Variants in SNRK observed in about 807,000 individuals in gnomAD.
SNRK encodes SNF-related serine/threonine-protein kinase.
Under a neutral mutation model 48.2 loss-of-function variants are expected in SNRK, and 3 were observed. That is an observed-to-expected ratio of 0.06 (90% CI 0.03 to 0.16). The LOEUF (loss-of-function observed/expected upper bound fraction) is 0.16, where lower values mean the gene tolerates loss of function less well. Among genes scored for constraint, SNRK ranks in the 10% least tolerant of loss-of-function variants. The probability of loss-of-function intolerance (pLI) is 1.00; values close to 1 mark genes in which losing one functional copy is unlikely to be tolerated. For missense variants in SNRK, 627 were observed against 976.0 expected (o/e 0.64, Z 4.76); for synonymous variants, 376 against 366.1 (o/e 1.03, Z -0.31).
In SNRK at chr3:43,347,375, C is replaced by A; in HGVS notation, c.1116C>A (p.Asp372Glu). 1 of 1,600,714 alleles carries A rather than the reference C, an allele frequency of 6.2e-7. No individual in the cohort carries two copies. The highest frequency in any genetic ancestry group is 8.5e-7 in the Non-Finnish European group (1 of 1,173,320). Residue 372 changes from aspartate (D) to glutamate (E), a missense_variant, in exon 7 of 7, where the codon GAC becomes GAA. Coordinates refer to ENST00000296088, the MANE Select transcript of SNRK (RefSeq NM_017719.5). The surrounding 1 kb of genome is among the most constrained non-coding windows in gnomAD (Gnocchi z 5.4). Reference sequence around the variant, plus strand: ...CAACCAAAATTGATGTACCCCAGGACCTTGAGGATGACCTCACGGCCACTC... The same window carrying A: ...CAACCAAAATTGATGTACCCCAGGAACTTGAGGATGACCTCACGGCCACTC... ...SWPTKIDVPQDLEDDLTATPL... is the reference protein window; with the variant it reads ...SWPTKIDVPQELEDDLTATPL...
intron 1 of SNRK, among the ~76,000 whole-genome samples, chr3:43,293,650 AC>A (rs1282549738): frequency 6.6e-6 from 1 of 152,092 alleles, no homozygotes; most frequent in Admixed American, 6.6e-5. Context: ...ATAGTGGCTC[AC>A]CCCTTGTAAT....
intron 4 of SNRK, chr3:43,332,514 C>T (rs188134053): frequency 2.7e-6 from 1 of 371,082 alleles, no homozygotes; most frequent in Admixed American, 4.6e-5. Flanking sequence ...TGAATATGAT[C>T]TGAAATTTAA....
chr3:43,308,766 C>T (rs940373028), intron 3 of SNRK, among the ~76,000 whole-genome samples: 9 of 152,176 alleles, frequency 5.9e-5, no homozygotes, highest in African/African-American at 1.7e-4. Flanking sequence ...TTCTGCAGCC[C>T]GTGGATCAAG....
chr3:43,299,433 C>T (rs2090882065), intron 1 of SNRK, among the ~76,000 whole-genome samples: 1 of 152,198 alleles, frequency 6.6e-6, no homozygotes, highest in African/African-American at 2.4e-5. Context: ...GTCTCGGCCT[C>T]CCAAAGTGCT....
At chr3:43,343,509 AG>A in intron 6 of SNRK, 31 bp downstream of exon 6, 1 of 1,595,596 alleles carries the variant, frequency 6.3e-7, no homozygotes, top group Non-Finnish European at 8.5e-7. Flanking sequence ...GATTTTAGTA[AG>A]TTTAACGTTT....
intron 1 of SNRK, among the ~76,000 whole-genome samples, chr3:43,296,415 C>CATATATATATATATACATAT (rs1553632569): frequency 4.7e-5 from 6 of 127,242 alleles, no homozygotes; most frequent in African/African-American, 2.0e-4. Context: ...GATATACTGG[C>CATATATATATATATACATAT]ATATATATAT....
intron 3 of SNRK, among the ~76,000 whole-genome samples, chr3:43,325,696 T>TA (rs1447973798): frequency 6.6e-6 from 1 of 152,172 alleles, no homozygotes; most frequent in Non-Finnish European, 1.5e-5. Flanking sequence ...ATAATAAGCC[T>TA]AAAAATTGCA....
intron 3 of SNRK, among the ~76,000 whole-genome samples, chr3:43,315,975 AAT>A (rs1292014574): frequency 6.6e-6 from 1 of 152,194 alleles, no homozygotes; most frequent in African/African-American, 2.4e-5. Flanking sequence ...ATAAGAAACA[AAT>A]ATTTCTGAAA....
chr3:43,339,950 T>TTATTCTGTATGTCATTGCTGTATG (rs2091222550), intron 4 of SNRK, among the ~76,000 whole-genome samples: 1 of 149,032 alleles, frequency 6.7e-6, no homozygotes, highest in South Asian at 2.1e-4. Context: ...CTTGTATACT[T>TTATTCTGTATGTCATTGCTGTATG]TATTCTGTAT....
chr3:43,347,162 C>A lies in SNRK; in HGVS notation c.1080-177C>A. The A allele has an allele frequency of 5.2e-6, 3 of 579,930 alleles. No homozygotes were observed. The highest frequency in any genetic ancestry group is 8.6e-6 in the Non-Finnish European group (3 of 349,138). The allele number at this position is 579,930 out of a possible 1,614,324, so 35.9% of individuals were successfully genotyped here. A position where few individuals can be genotyped will look rare whatever the true frequency, so the allele number is the denominator to read the frequency against. Reference sequence around the variant, plus strand: ...CAAACTGAACCATGTTTCAAAACCACATTTGCCCTTCTGGTGGCCTTGCTG... The same window carrying A: ...CAAACTGAACCATGTTTCAAAACCAAATTTGCCCTTCTGGTGGCCTTGCTG... On this transcript the variant is annotated intron_variant, in intron 6 of 6. Transcript: ENST00000296088. The surrounding 1 kb of genome is among the most constrained non-coding windows in gnomAD (Gnocchi z 5.4).
At chr3:43,320,581 C>T (rs1376176984) in intron 3 of SNRK, among the ~76,000 whole-genome samples, 1 of 152,082 alleles carries the variant, frequency 6.6e-6, no homozygotes, top group Non-Finnish European at 1.5e-5. Flanking sequence ...CTAATGAATA[C>T]ACTAGAACAC....
chr3:43,297,824 CTT>C (rs1207554524), intron 1 of SNRK, among the ~76,000 whole-genome samples: 1 of 152,236 alleles, frequency 6.6e-6, no homozygotes, highest in South Asian at 2.1e-4. Context: ...AACCCCCAGT[CTT>C]TGATGCCTAA....
chr3:43,297,564 A>T (rs572318409), intron 1 of SNRK, among the ~76,000 whole-genome samples: 3 of 147,836 alleles, frequency 2.0e-5, no homozygotes, highest in Admixed American at 6.7e-5. Context: ...AAAGGGTGGG[A>T]TAATGGATTT....
intron 3 of SNRK, among the ~76,000 whole-genome samples, chr3:43,306,203 G>A (rs933684026): frequency 3.9e-5 from 6 of 152,002 alleles, no homozygotes; most frequent in Admixed American, 2.6e-4. Flanking sequence ...TGTGTGATGT[G>A]TGATTGAAAT....
In SNRK at chr3:43,306,103, A is replaced by G. The variant is rs191325901; in HGVS notation, c.589+2311A>G. 2.6e-4 allele frequency among the ~76,000 whole-genome samples: 39 copies of G among 152,318 alleles called. No homozygotes were observed. The East Asian group carries it at 5.8e-3, about 23-fold the overall frequency. Reference sequence around the variant, plus strand: ...TGGGAAGATGTTCACCAGTCTGATAAATGATTACCGTGTGTTGGTGAAGTA... The same window carrying G: ...TGGGAAGATGTTCACCAGTCTGATAGATGATTACCGTGTGTTGGTGAAGTA... On this transcript the variant is annotated intron_variant, in intron 3 of 6. Coordinates refer to ENST00000296088, the MANE Select transcript of SNRK (RefSeq NM_017719.5).
intron 5 of SNRK, among the ~76,000 whole-genome samples, chr3:43,341,373 G>A (rs369069982): frequency 1.3e-5 from 2 of 152,026 alleles, no homozygotes; most frequent in Non-Finnish European, 2.9e-5. Flanking sequence ...GGATGGTCTC[G>A]ATCTCCTGAC....
At position 43,347,308 on chromosome 3, in the gene SNRK, CT is replaced by C. The variant is rs748662634; in HGVS notation, c.1080-25del. 1.6e-5 allele frequency: 24 copies of C among 1,521,584 alleles called. No homozygotes were observed. The highest frequency in any genetic ancestry group is 1.8e-4 in the Middle Eastern group (1 of 5,630). 94.3% of individuals were successfully genotyped at this position (1,521,584 alleles called of 1,614,324 possible). A position where few individuals can be genotyped will look rare whatever the true frequency, so the allele number is the denominator to read the frequency against. Reference sequence around the variant, plus strand: ...TATCATCTGCATAATGATTATATGGCTTTTTTCCCCCCAATCTATCTGTTAC... The same window carrying C: ...TATCATCTGCATAATGATTATATGGCTTTTTCCCCCCAATCTATCTGTTAC... On this transcript the variant is annotated intron_variant, in intron 6 of 6. Coordinates refer to ENST00000296088, the MANE Select transcript of SNRK (RefSeq NM_017719.5). The surrounding 1 kb of genome is among the most constrained non-coding windows in gnomAD (Gnocchi z 5.4).
chr3:43,348,762 A>G lies in SNRK; in HGVS notation c.*205A>G, dbSNP rs751280938. 1.8e-5 allele frequency: 8 copies of G among 447,000 alleles called. No homozygotes were observed. Among genetic ancestry groups the G allele is most frequent in the African/African-American group, 1.2e-4 (6 of 49,440 alleles). 27.7% of individuals were successfully genotyped at this position (447,000 alleles called of 1,614,324 possible). ...CTTTTCTTTCCCAGCCGAAAAGCCTATTATGTAATTTTTACATTCATAATT... is the reference window on the plus strand; with the variant it reads ...CTTTTCTTTCCCAGCCGAAAAGCCTGTTATGTAATTTTTACATTCATAATT... On this transcript the variant is annotated 3_prime_UTR_variant, in exon 7 of 7. Coordinates refer to ENST00000296088, the MANE Select transcript of SNRK (RefSeq NM_017719.5).
intron 4 of SNRK, among the ~76,000 whole-genome samples, chr3:43,338,740 T>A (rs181226839): frequency 0.011 from 1,720 of 150,932 alleles, 19 homozygotes; most frequent in Non-Finnish European, 0.017. Context: ...TGTGTCTTTT[T>A]AAATTTTGTT....
Sources: allele counts gnomAD v4.1 joint callset (sites outside exome capture counted in the v4.1 genomes callset), GRCh38; gene constraint gnomAD v4.1.1; non-coding constraint Gnocchi (gnomAD v3.1); transcripts MANE v1.5; gene names NCBI Gene and HGNC (gene_info 2026-07-23, HGNC 2026-07-21).